The following AP3B1 variants were observed in gnomAD, a reference collection of about 807,000 sequenced individuals.
AP3B1 encodes the protein adaptor related protein complex 3 subunit beta 1, also known as AP-3 complex subunit beta-1.
In AP3B1, 61 loss-of-function variants were observed where a neutral mutation model predicts 132.5. That is an observed-to-expected ratio of 0.46 (90% CI 0.37 to 0.57). AP3B1 has a LOEUF of 0.57. AP3B1 is among the 20% of genes least tolerant of loss of function. The pLI, the probability that AP3B1 is intolerant of heterozygous loss-of-function variation, is 0.00. For missense variants in AP3B1, 1,120 were observed against 1,289.4 expected (o/e 0.87, Z 2.01); for synonymous variants, 388 against 438.3 (o/e 0.89, Z 1.43).
intron 13 of AP3B1, among the ~76,000 whole-genome samples, chr5:78,159,582 T>C (rs1176355315): frequency 6.6e-6 from 1 of 152,208 alleles, no homozygotes; most frequent in East Asian, 1.9e-4. Flanking sequence ...TGACATCTTC[T>C]GACTGACCTG....
chr5:78,258,572 C>T (rs946757026), intron 2 of AP3B1, among the ~76,000 whole-genome samples: 1 of 152,122 alleles, frequency 6.6e-6, no homozygotes, highest in African/African-American at 2.4e-5. Context: ...GAAAAGGGAA[C>T]CCCTGCACAC....
chr5:78,279,218 G>A (rs1257264152), intron 1 of AP3B1, among the ~76,000 whole-genome samples: 1 of 152,086 alleles, frequency 6.6e-6, no homozygotes, highest in Non-Finnish European at 1.5e-5. Flanking sequence ...ATATGGGATT[G>A]GAAGTTATAT....
intron 22 of AP3B1, among the ~76,000 whole-genome samples, chr5:78,081,229 A>G (rs1020578312): frequency 1.3e-5 from 2 of 151,854 alleles, no homozygotes; most frequent in African/African-American, 2.4e-5. Flanking sequence ...AGAATACGAC[A>G]CAAGGAAGAG....
At chr5:78,167,182 G>C (rs1743670203) in intron 11 of AP3B1, among the ~76,000 whole-genome samples, 1 of 152,040 alleles carries the variant, frequency 6.6e-6, no homozygotes, top group Non-Finnish European at 1.5e-5. Context: ...AGTGGGCAAA[G>C]GATATGAATA....
At chr5:78,139,038 G>T (rs201196487) in intron 15 of AP3B1, among the ~76,000 whole-genome samples, 2 of 93,288 alleles carry the variant, frequency 2.1e-5, no homozygotes, top group South Asian at 3.6e-4. Context: ...TAGAGATCAA[G>T]AAAAAAAAAA....
At chr5:78,067,216 C>G (rs1359772634) in intron 22 of AP3B1, among the ~76,000 whole-genome samples, 2 of 152,262 alleles carry the variant, frequency 1.3e-5, no homozygotes, top group East Asian at 3.9e-4. Flanking sequence ...ACAAGAAGAG[C>G]TAATTAACCT....
At chr5:78,227,845 T>C (rs1746463206) in intron 4 of AP3B1, among the ~76,000 whole-genome samples, 1 of 152,182 alleles carries the variant, frequency 6.6e-6, no homozygotes. Flanking sequence ...TTTAAAAATG[T>C]CTTATAACCC....
At chr5:78,235,292 C>A (rs1378626066) in intron 3 of AP3B1, among the ~76,000 whole-genome samples, 1 of 152,196 alleles carries the variant, frequency 6.6e-6, no homozygotes, top group Non-Finnish European at 1.5e-5. Flanking sequence ...CAATTTATTT[C>A]TCAGCAATAC....
intron 7 of AP3B1, among the ~76,000 whole-genome samples, chr5:78,190,552 C>T (rs903631875): frequency 2.6e-5 from 4 of 152,138 alleles, no homozygotes; most frequent in Non-Finnish European, 4.4e-5. Flanking sequence ...AGAATGGATA[C>T]GTACACAGCA....
intron 2 of AP3B1, among the ~76,000 whole-genome samples, chr5:78,265,678 C>T (rs1748292710): frequency 6.6e-6 from 1 of 152,162 alleles, no homozygotes; most frequent in African/African-American, 2.4e-5. Flanking sequence ...CTTCTGACAG[C>T]ATCACTTCCT....
chr5:78,265,840 A>C (rs912284392), intron 2 of AP3B1, among the ~76,000 whole-genome samples: 2 of 152,182 alleles, frequency 1.3e-5, no homozygotes, highest in Non-Finnish European at 2.9e-5. Context: ...GTATAACTTC[A>C]TTTATATTCT....
chr5:78,203,930 T>C (rs1745401722), intron 7 of AP3B1, among the ~76,000 whole-genome samples: 1 of 152,178 alleles, frequency 6.6e-6, no homozygotes, highest in African/African-American at 2.4e-5. Flanking sequence ...GTATTTCTAG[T>C]TGGTTTCTTT....
At chr5:78,155,461 A>C (rs898676814) in intron 14 of AP3B1, among the ~76,000 whole-genome samples, 13 of 152,114 alleles carry the variant, frequency 8.5e-5, no homozygotes, top group Non-Finnish European at 1.6e-4. Flanking sequence ...TAGTTGCTAA[A>C]ATTTCGTGTT....
At chr5:78,223,537 C>T (rs1746278362) in intron 6 of AP3B1, among the ~76,000 whole-genome samples, 2 of 152,068 alleles carry the variant, frequency 1.3e-5, no homozygotes, top group Admixed American at 6.6e-5. Context: ...CTGTGATGAA[C>T]AAGTATTCAA....
intron 22 of AP3B1, among the ~76,000 whole-genome samples, chr5:78,054,292 ATGG>A (rs1471099631): frequency 6.6e-6 from 1 of 152,206 alleles, no homozygotes; most frequent in Non-Finnish European, 1.5e-5. Context: ...CCCCAAGATG[ATGG>A]TGGGCCAGAG....
At chr5:78,179,239 A>G (rs1032988383) in intron 8 of AP3B1, among the ~76,000 whole-genome samples, 3 of 152,248 alleles carry the variant, frequency 2.0e-5, no homozygotes, top group Admixed American at 2.0e-4. Flanking sequence ...CTTAATTTTA[A>G]TCTATCTTAC....
At chr5:78,083,938 C>T (rs75083475) in intron 22 of AP3B1, among the ~76,000 whole-genome samples, 2 of 151,966 alleles carry the variant, frequency 1.3e-5, no homozygotes, top group East Asian at 3.9e-4. Flanking sequence ...AAACAAATAA[C>T]ATTTACTAGA....
intron 1 of AP3B1, among the ~76,000 whole-genome samples, chr5:78,278,355 T>TA (rs1472741177): frequency 0.012 from 1,132 of 94,756 alleles, 41 homozygotes; most frequent in Middle Eastern, 0.021. Flanking sequence ...GGACTAATTC[T>TA]TTGGGAGGCC....
At chr5:78,060,860 G>A (rs1288250828) in intron 22 of AP3B1, among the ~76,000 whole-genome samples, 1 of 151,996 alleles carries the variant, frequency 6.6e-6, no homozygotes, top group African/African-American at 2.4e-5. Context: ...ATGGATAAAA[G>A]TCTGCAAAGA....
Sources: gnomAD v4.1 joint callset for allele counts (sites outside exome capture counted in the v4.1 genomes callset) on GRCh38, gnomAD v4.1.1 for gene constraint, MANE v1.5 for transcripts, NCBI Gene and HGNC (gene_info 2026-07-23, HGNC 2026-07-21) for gene names.